Variants in RALYL observed in about 807,000 individuals in gnomAD.
RALYL encodes the protein RNA-binding Raly-like protein.
Under a neutral mutation model 35.1 loss-of-function variants are expected in RALYL, and 29 were observed. That is an observed-to-expected ratio of 0.83 (90% CI 0.61 to 1.13). The LOEUF is 1.13. Among genes scored for constraint, RALYL ranks in the 50% most tolerant of loss-of-function variants. The probability of loss-of-function intolerance (pLI) is 0.00; values close to 1 mark genes in which losing one functional copy is unlikely to be tolerated. For synonymous variants in RALYL, 120 were observed against 127.6 expected (o/e 0.94, Z 0.40); for missense variants, 359 against 360.4 (o/e 1.00, Z 0.03).
intron 2 of RALYL, among the ~76,000 whole-genome samples, chr8:84,580,592 TAAGAATCAAATTTCAATGTGAAATTTG>T (rs1413053526): frequency 1.3e-5 from 2 of 152,122 alleles, no homozygotes; most frequent in Non-Finnish European, 2.9e-5. Flanking sequence ...CCTGCAACAT[TAAGAATCAAATTTCAATGTGAAATTTG>T]AAGGAGACAA....
intron 1 of RALYL, among the ~76,000 whole-genome samples, chr8:84,442,439 T>C (rs1425631821): frequency 6.6e-6 from 1 of 152,146 alleles, no homozygotes; most frequent in Non-Finnish European, 1.5e-5. Context: ...CTTTTTCTTT[T>C]CCTACAACCA....
At chr8:84,899,353 G>A (rs761833187) in intron 8 of RALYL, among the ~76,000 whole-genome samples, 8 of 151,734 alleles carry the variant, frequency 5.3e-5, no homozygotes, top group Non-Finnish European at 8.8e-5. Flanking sequence ...TACATTTCTC[G>A]GGGGTTATTT....
rs540053636 is a variant in RALYL, at chr8:84,488,040, A to AT, written c.-23-41257dup. 1.5e-4 allele frequency among the ~76,000 whole-genome samples: 23 copies of AT among 152,140 alleles called. No individual in the cohort carries two copies. In the South Asian group the frequency reaches 4.1e-3, roughly 27 times the overall value. On this transcript the variant is annotated intron_variant, in intron 1 of 8. Coordinates refer to ENST00000521268, the MANE Select transcript of RALYL (RefSeq NM_173848.7). ...TAATATTGGAACCAAAATAGCTTTT[A>AT]TTGAGGAAGAATGATTGAAGTGTTA...
chr8:84,495,467 C>T (rs897744712), intron 1 of RALYL, among the ~76,000 whole-genome samples: 1 of 151,848 alleles, frequency 6.6e-6, no homozygotes, highest in Non-Finnish European at 1.5e-5. Flanking sequence ...AATTGTATTT[C>T]TCAATTTATA....
chr8:84,544,398 T>C (rs1213440792), intron 2 of RALYL, among the ~76,000 whole-genome samples: 1 of 152,062 alleles, frequency 6.6e-6, no homozygotes, highest in Non-Finnish European at 1.5e-5. Context: ...TAAATCATGA[T>C]GTGTTAAACA....
chr8:84,787,479 C>T (rs542556194), intron 3 of RALYL, among the ~76,000 whole-genome samples: 2 of 152,326 alleles, frequency 1.3e-5, no homozygotes, highest in East Asian at 1.9e-4. Flanking sequence ...CTGCAGTAAA[C>T]ATACATGCGC....
chr8:84,197,977 C>T (rs1456155733), intron 1 of RALYL, among the ~76,000 whole-genome samples: 1 of 152,118 alleles, frequency 6.6e-6, no homozygotes, highest in Non-Finnish European at 1.5e-5. Flanking sequence ...AGGAAGCACT[C>T]AATAAACCTT....
chr8:84,498,381 C>G (rs190100947), intron 1 of RALYL, among the ~76,000 whole-genome samples: 116 of 152,114 alleles, frequency 7.6e-4, no homozygotes, highest in African/African-American at 2.7e-3. Flanking sequence ...AATGCCATTT[C>G]CTATTATTAA....
At chr8:84,825,247 G>T (rs1404736544) in intron 4 of RALYL, among the ~76,000 whole-genome samples, 3 of 151,966 alleles carry the variant, frequency 2.0e-5, no homozygotes, top group Non-Finnish European at 4.4e-5. Flanking sequence ...TGAGTAAATG[G>T]TCATCATCAC....
chr8:84,888,836 GC>G (rs1237069677), intron 8 of RALYL, among the ~76,000 whole-genome samples: 1 of 151,862 alleles, frequency 6.6e-6, no homozygotes, highest in Non-Finnish European at 1.5e-5. Context: ...TGCAACCTCC[GC>G]CCCCCTGGTT....
At chr8:84,292,197 T>C (rs73304874) in intron 1 of RALYL, among the ~76,000 whole-genome samples, 7,316 of 152,210 alleles carry the variant, frequency 0.048, 273 homozygotes, top group African/African-American at 0.083. Flanking sequence ...AATCTTAACC[T>C]TTATCATAAA....
intron 3 of RALYL, among the ~76,000 whole-genome samples, chr8:84,782,029 GCGCA>G (rs1467652454): frequency 3.2e-5 from 4 of 123,844 alleles, no homozygotes; most frequent in East Asian, 2.0e-4. Context: ...GTGCACACGC[GCGCA>G]CACACACACA....
At chr8:84,337,510 G>A (rs1362729498) in intron 1 of RALYL, among the ~76,000 whole-genome samples, 2 of 152,052 alleles carry the variant, frequency 1.3e-5, no homozygotes, top group African/African-American at 2.4e-5. Flanking sequence ...TATTCTTAAT[G>A]TCTATACATG....
intron 7 of RALYL, among the ~76,000 whole-genome samples, chr8:84,875,743 G>A (rs1054536073): frequency 6.6e-6 from 1 of 152,118 alleles, no homozygotes; most frequent in Admixed American, 6.6e-5. Flanking sequence ...ATGGAAAGTA[G>A]AGTGAAATGC....
At chr8:84,664,263 ATTTTTTTT>A (rs60423756) in intron 2 of RALYL, among the ~76,000 whole-genome samples, 5 of 58,034 alleles carry the variant, frequency 8.6e-5, no homozygotes, top group Admixed American at 8.3e-4. Flanking sequence ...ATGCCTCTAG[ATTTTTTTT>A]TTTTTTTTTT....
intron 1 of RALYL, among the ~76,000 whole-genome samples, chr8:84,200,637 A>G (rs1266030474): frequency 1.3e-5 from 2 of 152,124 alleles, no homozygotes; most frequent in Non-Finnish European, 2.9e-5. Flanking sequence ...TTTTCTATCT[A>G]TATTAATTAA....
intron 2 of RALYL, among the ~76,000 whole-genome samples, chr8:84,774,108 A>G (rs1816253764): frequency 6.6e-6 from 1 of 152,158 alleles, no homozygotes; most frequent in Non-Finnish European, 1.5e-5. Flanking sequence ...AGTCCTAGCT[A>G]CTTCAGAGGC....
At chr8:84,683,676 T>G (rs531519461) in intron 2 of RALYL, among the ~76,000 whole-genome samples, 3 of 152,002 alleles carry the variant, frequency 2.0e-5, no homozygotes, top group South Asian at 2.1e-4. Context: ...TGTTGTTTTG[T>G]TTTTGGTTTT....
At chr8:84,363,758 C>T (rs1365016709) in intron 1 of RALYL, among the ~76,000 whole-genome samples, 3 of 152,098 alleles carry the variant, frequency 2.0e-5, no homozygotes, top group Admixed American at 6.5e-5. Context: ...AGCTGATCAC[C>T]TCTATTCTGT....
Sources: allele counts gnomAD v4.1 joint callset (sites outside exome capture counted in the v4.1 genomes callset), GRCh38; gene constraint gnomAD v4.1.1; transcripts MANE v1.5; gene names NCBI Gene and HGNC (gene_info 2026-07-23, HGNC 2026-07-21).